NEK1: variants seen among roughly 807,000 people sequenced by gnomAD.
The protein encoded by NEK1 is NIMA related kinase 1, also known as serine/threonine-protein kinase Nek1.
Under a neutral mutation model 182.1 loss-of-function variants are expected in NEK1, and 137 were observed. That is an observed-to-expected ratio of 0.75 (90% CI 0.65 to 0.87). The LOEUF (loss-of-function observed/expected upper bound fraction) is 0.87. Ranked by LOEUF, NEK1 falls within the 40% of genes least tolerant of loss-of-function variation. NEK1 has a pLI of 0.00. For missense variants in NEK1, 1,391 were observed against 1,494.4 expected, an observed-to-expected ratio of 0.93 and a Z score of 1.14; for synonymous variants, 513 against 492.2, an observed-to-expected ratio of 1.04 and a Z score of -0.56.
chr4:169,444,965 T>A (rs1211475580), intron 27 of NEK1, among the ~76,000 whole-genome samples: 1 of 152,126 alleles, frequency 6.6e-6, no homozygotes, highest in Non-Finnish European at 1.5e-5. Context: ...AAACTGTACA[T>A]ATACATGGAA....
chr4:169,599,239 A>G lies in NEK1; in HGVS notation c.215-42T>C. On this transcript the variant is annotated intron_variant, in intron 4 of 35. Transcript: ENST00000507142. Reference sequence around the variant, plus strand: ...TTACAGTCCACTTTTAAAAACGTACATCAAAAGCATGGCTAAATTAAAAGT... The same window carrying G: ...TTACAGTCCACTTTTAAAAACGTACGTCAAAAGCATGGCTAAATTAAAAGT... 1.4e-6 allele frequency: 2 copies of G among 1,396,188 alleles called. 1 individual carries two copies. Among genetic ancestry groups the G allele is most frequent in the South Asian group, 2.5e-5 (2 of 81,338 alleles). 86.5% of individuals were successfully genotyped at this position (1,396,188 alleles called of 1,614,324 possible).
rs569574270 is a variant in NEK1 at position 169,542,830 on chromosome 4, G to A, written c.1563-4919C>T. ...AAGTGTCTGTTCATATCCTTTGCCC[G>A]CTTATTGATGGGGTTTTTTCTTGTA... On this transcript the variant is annotated intron_variant, in intron 18 of 35. Coordinates refer to ENST00000507142, the MANE Select transcript of NEK1 (RefSeq NM_001199397.3). Among the ~76,000 whole-genome samples, 87 of 151,380 alleles carry A rather than the reference G, an allele frequency of 5.7e-4. 1 individual carries two copies. The South Asian group carries it at 8.1e-3, about 14-fold the overall frequency.
At position 169,433,670 on chromosome 4, in the gene NEK1, A is replaced by C. The variant is rs201755208; in HGVS notation, c.2765-5T>G. 3.1e-5 allele frequency: 50 copies of C among 1,613,188 alleles called. No homozygotes were observed. In the East Asian group the frequency reaches 1.1e-3, roughly 36 times the overall value. ...CTGTTTCCAAATCATCAGGTTCTGCAAAGGATAAACGTAACGAGAGACATC... is the reference window on the plus strand; with the variant it reads ...CTGTTTCCAAATCATCAGGTTCTGCCAAGGATAAACGTAACGAGAGACATC... On this transcript the variant is annotated splice_region_variant and splice_polypyrimidine_tract_variant and intron_variant, in intron 28 of 35. Coordinates refer to ENST00000507142, the MANE Select transcript of NEK1 (RefSeq NM_001199397.3).
intron 27 of NEK1, among the ~76,000 whole-genome samples, chr4:169,460,285 C>A (rs1409705640): frequency 4.0e-5 from 6 of 151,484 alleles, no homozygotes; most frequent in Admixed American, 4.0e-4. Flanking sequence ...GCGTCACGAT[C>A]ATGGCAGAAG....
At chr4:169,485,478 A>G (rs1748871006) in intron 23 of NEK1, among the ~76,000 whole-genome samples, 1 of 152,232 alleles carries the variant, frequency 6.6e-6, no homozygotes, top group Non-Finnish European at 1.5e-5. Context: ...AAGCTTTTCA[A>G]TATTAACTAC....
intron 19 of NEK1, among the ~76,000 whole-genome samples, chr4:169,513,325 C>G (rs1030821964): frequency 9.9e-5 from 15 of 152,228 alleles, no homozygotes; most frequent in African/African-American, 3.6e-4. Context: ...TTCTTTTTCA[C>G]ATTCTTTGGA....
chr4:169,536,928 G>C (rs1293357676), intron 19 of NEK1, among the ~76,000 whole-genome samples: 2 of 152,084 alleles, frequency 1.3e-5, no homozygotes, highest in African/African-American at 2.4e-5. Flanking sequence ...ACAATATAAA[G>C]GGTAACTGTT....
chr4:169,513,694 G>T (rs1393009224), intron 19 of NEK1, among the ~76,000 whole-genome samples: 2 of 152,010 alleles, frequency 1.3e-5, no homozygotes, highest in African/African-American at 4.8e-5. Flanking sequence ...TTAGATGCAG[G>T]GTTTTTGCAG....
chr4:169,422,683 T>C (rs1190553266), intron 31 of NEK1, among the ~76,000 whole-genome samples: 1 of 152,228 alleles, frequency 6.6e-6, no homozygotes, highest in Admixed American at 6.5e-5. Context: ...TTCTTGCCTC[T>C]TTTCCTCATA....
chr4:169,498,925 G>T (rs1751894904), intron 23 of NEK1, among the ~76,000 whole-genome samples: 1 of 152,138 alleles, frequency 6.6e-6, no homozygotes. Context: ...GGCATTCTCT[G>T]TATTTCCTGA....
intron 29 of NEK1, among the ~76,000 whole-genome samples, chr4:169,430,637 A>C (rs1247674917): frequency 1.6e-4 from 24 of 152,296 alleles, no homozygotes; most frequent in Admixed American, 1.3e-3. Context: ...AGCACAGAGG[A>C]TTGTACAGTA....
chr4:169,572,801 A>C (rs1765080433), intron 12 of NEK1, among the ~76,000 whole-genome samples: 1 of 152,190 alleles, frequency 6.6e-6, no homozygotes, highest in Non-Finnish European at 1.5e-5. Context: ...AGGAAGAAGA[A>C]AAATGACCCA....
At chr4:169,506,907 TGA>T (rs766570985) in intron 23 of NEK1, 128 bp downstream of exon 23, 9 of 496,106 alleles carry the variant, frequency 1.8e-5, no homozygotes, top group Admixed American at 3.7e-5. Context: ...TGAGAAAGGG[TGA>T]GAGAGAGAAT....
chr4:169,550,031 A>T (rs1256979313), intron 18 of NEK1, among the ~76,000 whole-genome samples: 4 of 152,130 alleles, frequency 2.6e-5, no homozygotes, highest in African/African-American at 9.7e-5. Context: ...ATTTTTCAAG[A>T]TTTAGCAATA....
At chr4:169,488,339 A>G (rs1749429895) in intron 23 of NEK1, among the ~76,000 whole-genome samples, 1 of 152,162 alleles carries the variant, frequency 6.6e-6, no homozygotes. Flanking sequence ...ATCTTGCGTT[A>G]ACTTTTGTAT....
At chr4:169,541,433 T>C (rs780445264) in intron 18 of NEK1, among the ~76,000 whole-genome samples, 2 of 152,060 alleles carry the variant, frequency 1.3e-5, no homozygotes, top group Non-Finnish European at 2.9e-5. Flanking sequence ...AGAAATTGCA[T>C]ATAAGCAAAG....
intron 27 of NEK1, among the ~76,000 whole-genome samples, chr4:169,443,390 A>C (rs1739901462): frequency 6.7e-6 from 1 of 150,370 alleles, no homozygotes; most frequent in African/African-American, 2.4e-5. Context: ...GAATTAAATA[A>C]AATTACAACT....
chr4:169,567,975 T>A (rs1763993337), intron 12 of NEK1, among the ~76,000 whole-genome samples: 1 of 152,168 alleles, frequency 6.6e-6, no homozygotes, highest in African/African-American at 2.4e-5. Context: ...AGGAAAACAT[T>A]AAGAAAACCA....
intron 31 of NEK1, among the ~76,000 whole-genome samples, chr4:169,422,208 G>A (rs1021100230): frequency 6.6e-6 from 1 of 152,196 alleles, no homozygotes; most frequent in Non-Finnish European, 1.5e-5. Flanking sequence ...ATGCTGGAAT[G>A]TATTGGGAAG....
Sources: gnomAD v4.1 joint callset for allele counts (sites outside exome capture counted in the v4.1 genomes callset) on GRCh38, gnomAD v4.1.1 for gene constraint, MANE v1.5 for transcripts, NCBI Gene and HGNC (gene_info 2026-07-23, HGNC 2026-07-21) for gene names.